The following DNAI7 variants were observed in gnomAD, a reference collection of about 807,000 sequenced individuals.
DNAI7 encodes dynein axonemal intermediate chain 7.
A neutral mutation model predicts 86.6 loss-of-function variants in DNAI7; 78 were observed. That is an observed-to-expected ratio of 0.90 (90% CI 0.75 to 1.09). The LOEUF is 1.09. DNAI7 is among the 50% of genes least tolerant of loss of function. The probability of loss-of-function intolerance (pLI) is 0.00; values close to 1 mark genes in which losing one functional copy is unlikely to be tolerated. For missense variants in DNAI7, 753 were observed against 810.2 expected (o/e 0.93, Z 0.86); for synonymous variants, 274 against 273.0 (o/e 1.00, Z -0.04).
chr12:25,137,827 C>CCAA (rs1237808753), intron 9 of DNAI7, among the ~76,000 whole-genome samples: 1 of 152,068 alleles, frequency 6.6e-6, no homozygotes, highest in Non-Finnish European at 1.5e-5. Flanking sequence ...AAGGTCTAGT[C>CCAA]CAACAGGAAA....
intron 2 of DNAI7, among the ~76,000 whole-genome samples, chr12:25,169,763 A>C (rs537225329): frequency 6.6e-6 from 1 of 151,208 alleles, no homozygotes; most frequent in Non-Finnish European, 1.5e-5. Context: ...CAAGAGAATC[A>C]CTTGAAACCT....
intron 2 of DNAI7, among the ~76,000 whole-genome samples, chr12:25,163,400 C>T (rs1947057132): frequency 6.6e-6 from 1 of 152,186 alleles, no homozygotes; most frequent in Non-Finnish European, 1.5e-5. Context: ...GGCTTAAAAG[C>T]TCTCCTACTG....
chr12:25,125,772 G>C (rs928541572), intron 9 of DNAI7, among the ~76,000 whole-genome samples: 1 of 151,982 alleles, frequency 6.6e-6, no homozygotes, highest in Non-Finnish European at 1.5e-5. Flanking sequence ...ATCCATATTG[G>C]GTTGATTTTT....
At chr12:25,136,072 C>T (rs11047856) in intron 9 of DNAI7, among the ~76,000 whole-genome samples, 58,765 of 152,082 alleles carry the variant, frequency 0.39, 13,136 homozygotes, top group East Asian at 0.77. Flanking sequence ...AGCGCCACCT[C>T]CTGGCTGAAG....
intron 2 of DNAI7, among the ~76,000 whole-genome samples, chr12:25,166,446 G>C (rs866506255): frequency 1.6e-4 from 25 of 151,950 alleles, no homozygotes; most frequent in Middle Eastern, 3.4e-3. Flanking sequence ...GCCTCTCTTC[G>C]CTTTCACTTG....
Position 25,174,541 on chromosome 12 carries a change from ATATATATATGATATATATATCATATATAT to A in DNAI7, c.22-13373_22-13345del, listed in dbSNP as rs761175303. On this transcript the variant is annotated intron_variant, in intron 2 of 15. Transcript: ENST00000395987. ...ATATCATATATATCATATATATGGG[ATATATATATGATATATATATCATATATAT>A]GGGATATATATCATATATATGGGAT... Among the ~76,000 whole-genome samples, 26 of 83,194 alleles carry A rather than the reference ATATATATATGATATATATATCATATATAT, an allele frequency of 3.1e-4. 6 individuals carry two copies. The highest frequency in any genetic ancestry group is 3.0e-3 in the East Asian group (11 of 3,650). The allele number at this position is 83,194 out of a possible 152,430, so 54.6% of individuals were successfully genotyped here.
In DNAI7 at chr12:25,123,217, A is replaced by C. The variant is rs780365545; in HGVS notation, c.1072T>G (p.Ser358Ala). The C allele has an allele frequency of 3.8e-6, 6 of 1,585,422 alleles. No individual in the cohort carries two copies. The Admixed American group carries it at 5.2e-5, about 14-fold the overall frequency. The change falls in exon 10 of 16, where the codon TCA (serine) becomes GCA (alanine). Residue 358 changes from serine to alanine, a missense_variant. Physicochemically the swap from Ser to Ala is moderately conservative, Grantham distance 99. Transcript: ENST00000395987. ...REMKVLSETVSAAQLLLVENS... is the reference protein window; with the variant it reads ...REMKVLSETVAAAQLLLVENS... ...AAAATGTAATTTAGAATACCTGCTG[A>C]AACAGTTTCACTTAATACTTTCATC...
At chr12:25,117,938 CTTT>C (rs776942936) in intron 12 of DNAI7, among the ~76,000 whole-genome samples, 4 of 135,026 alleles carry the variant, frequency 3.0e-5, no homozygotes, top group African/African-American at 8.1e-5. Flanking sequence ...TTTTCTTTTT[CTTT>C]TTTTTTTTTT....
chr12:25,107,273 T>C (rs1234892739), downstream of DNAI7, among the ~76,000 whole-genome samples: 2 of 152,224 alleles, frequency 1.3e-5, no homozygotes, highest in African/African-American at 4.8e-5. Flanking sequence ...TGTTATATTC[T>C]ATTTTATGTT....
At chr12:25,179,556 G>A (rs1282891236) in intron 2 of DNAI7, among the ~76,000 whole-genome samples, 1 of 151,854 alleles carries the variant, frequency 6.6e-6, no homozygotes, top group African/African-American at 2.4e-5. Flanking sequence ...TTTGTAAGTA[G>A]GTATACACAA....
At chr12:25,154,249 A>G (rs1945892663) in intron 6 of DNAI7, 70 bp downstream of exon 6, 2 of 1,291,566 alleles carry the variant, frequency 1.5e-6, no homozygotes, top group Admixed American at 2.6e-5. Context: ...ATGATATATT[A>G]ATTTTTATTT....
rs886545883 is a variant in DNAI7, at chr12:25,117,167, C to G, written c.1396+1978G>C. Among the ~76,000 whole-genome samples, 58 of 152,084 alleles carry G rather than the reference C, an allele frequency of 3.8e-4. 1 individual carries two copies. Among genetic ancestry groups the G allele is most frequent in the Admixed American group, 2.0e-4 (3 of 15,268 alleles). On this transcript the variant is annotated intron_variant, in intron 12 of 15. Transcript: ENST00000395987. ...CAGGCTGGTCTTGAACTCCTGAGCT[C>G]AAGTAATCCACCCACCTCAGCCTCC...
At chr12:25,156,221 C>T (rs925037963) in intron 4 of DNAI7, among the ~76,000 whole-genome samples, 1 of 152,124 alleles carries the variant, frequency 6.6e-6, no homozygotes, top group African/African-American at 2.4e-5. Context: ...GGGAAGTCAG[C>T]ATAAAGCTCT....
intron 9 of DNAI7, among the ~76,000 whole-genome samples, chr12:25,137,122 C>G (rs1282790541): frequency 6.6e-6 from 1 of 152,266 alleles, no homozygotes; most frequent in African/African-American, 2.4e-5. Context: ...ATCAGGTTAT[C>G]TAAATTCAAG....
At chr12:25,152,881 T>C (rs1316730640) in intron 6 of DNAI7, among the ~76,000 whole-genome samples, 1 of 152,214 alleles carries the variant, frequency 6.6e-6, no homozygotes. Context: ...GTATAAACGC[T>C]AGTTTTTCGT....
At chr12:25,156,909 A>T (rs1230839168) in intron 4 of DNAI7, among the ~76,000 whole-genome samples, 2 of 152,198 alleles carry the variant, frequency 1.3e-5, no homozygotes, top group African/African-American at 4.8e-5. Flanking sequence ...TGAAAACAAG[A>T]TCTGTTCAGA....
intron 8 of DNAI7, among the ~76,000 whole-genome samples, chr12:25,145,560 GTC>G (rs1170811599): frequency 3.9e-5 from 6 of 151,932 alleles, no homozygotes; most frequent in Non-Finnish European, 8.8e-5. Flanking sequence ...TTACTATATT[GTC>G]TCTGATTAGA....
At chr12:25,129,764 T>TA (rs1233636998) in intron 9 of DNAI7, among the ~76,000 whole-genome samples, 17 of 66,538 alleles carry the variant, frequency 2.6e-4, no homozygotes, top group African/African-American at 4.5e-4. Context: ...TTATTTTATT[T>TA]TTATTTTTTT....
In DNAI7 at chr12:25,190,631, C is replaced by T; in HGVS notation, c.4G>A (p.Gly2Ser). The change falls in exon 2 of 16, where the codon GGT (glycine) becomes AGT (serine). Residue 2 changes from glycine (G) to serine (S), a missense_variant and splice_region_variant. Transcript: ENST00000395987. The part of the protein sequence containing the change: M[G>S]PKAKKSGSKK... ...CTACATACCTTTTTTGCTTTGGGAC[C>T]CTAAAAGTTGGAAAACAAAAGAATT... 7.1e-7 allele frequency: 1 copy of T among 1,403,442 alleles called. No individual in the cohort carries two copies. The highest frequency in any genetic ancestry group is 9.7e-7 in the Non-Finnish European group (1 of 1,028,934). 86.9% of individuals were successfully genotyped at this position (1,403,442 alleles called of 1,614,324 possible). A position where few individuals can be genotyped will look rare whatever the true frequency, so the allele number is the denominator to read the frequency against.
Sources: allele counts gnomAD v4.1 joint callset (sites outside exome capture counted in the v4.1 genomes callset), GRCh38; gene constraint gnomAD v4.1.1; transcripts MANE v1.5; gene names NCBI Gene and HGNC (gene_info 2026-07-23, HGNC 2026-07-21).